ARMH4: variants seen among roughly 807,000 people sequenced by gnomAD.
ARMH4 encodes armadillo like helical domain containing 4.
A neutral mutation model predicts 61.9 loss-of-function variants in ARMH4; 49 were observed. The observed-to-expected ratio is 0.79, with a 90% CI of 0.63 to 1.00. The LOEUF (loss-of-function observed/expected upper bound fraction) is 1.00. ARMH4 is among the 50% of genes least tolerant of loss of function. The probability of loss-of-function intolerance (pLI) is 0.00; values close to 1 mark genes in which losing one functional copy is unlikely to be tolerated. For missense variants in ARMH4, 934 were observed against 930.0 expected, an observed-to-expected ratio of 1.00 and a Z score of -0.06; for synonymous variants, 368 against 341.5, an observed-to-expected ratio of 1.08 and a Z score of -0.85.
Position 58,139,073 on chromosome 14 carries a change from T to A in ARMH4, c.286A>T (p.Thr96Ser). 6.2e-7 allele frequency: 1 copy of A among 1,614,132 alleles called. No homozygotes were observed. The highest frequency in any genetic ancestry group is 8.5e-7 in the Non-Finnish European group (1 of 1,179,990). ...LNKAFSINKE[T>S]QPGQAGLMQT... ...ATGAGCCCAGCTTGTCCAGGCTGGG[T>A]TTCTTTGTTAATCGAGAATGCTTTA... is the stretch of plus-strand genomic sequence containing the variant. Residue 96 changes from threonine (T) to serine (S), a missense_variant, in exon 2 of 8, where the codon ACC (threonine) becomes TCC (serine). By Grantham distance (58) the Thr-to-Ser change is moderately conservative. Coordinates refer to ENST00000267485, the MANE Select transcript of ARMH4 (RefSeq NM_001001872.4).
chr14:58,138,873 T>A lies in ARMH4; in HGVS notation c.486A>T (p.Glu162Asp). The change falls in exon 2 of 8, where the codon GAA becomes GAT. Residue 162 changes from glutamate (E) to aspartate (D), a missense_variant. Coordinates refer to ENST00000267485, the MANE Select transcript of ARMH4 (RefSeq NM_001001872.4). ...TPSLTVDEKE[E>D]LLTSTNFQPI... ...GCTGAAAGTTAGTGCTTGTAAGGAG[T>A]TCCTCCTTTTCATCAACAGTCAGAG... 6.2e-7 allele frequency: 1 copy of A among 1,614,160 alleles called. No homozygotes were observed.
intron 5 of ARMH4, among the ~76,000 whole-genome samples, chr14:58,082,076 G>A (rs148696019): frequency 2.0e-5 from 3 of 152,260 alleles, no homozygotes; most frequent in African/African-American, 7.2e-5. Context: ...GGCAATAACT[G>A]TAAATCTCCT....
At chr14:58,040,963 A>T (rs1278361424) in intron 5 of ARMH4, among the ~76,000 whole-genome samples, 1 of 152,214 alleles carries the variant, frequency 6.6e-6, no homozygotes, top group Admixed American at 6.5e-5. Flanking sequence ...TCTAAGTAAA[A>T]TGAAACATGG....
chr14:58,053,355 C>T (rs368838880), intron 5 of ARMH4, among the ~76,000 whole-genome samples: 4 of 152,338 alleles, frequency 2.6e-5, no homozygotes, highest in Non-Finnish European at 4.4e-5. Context: ...CCCAAACCCT[C>T]ACCCTGCACA....
At chr14:58,044,792 G>A (rs1883871317) in intron 5 of ARMH4, among the ~76,000 whole-genome samples, 1 of 152,208 alleles carries the variant, frequency 6.6e-6, no homozygotes, top group Non-Finnish European at 1.5e-5. Flanking sequence ...CCATCAAAAA[G>A]TGGGAGAAGG....
Position 58,012,172 on chromosome 14 carries a change from A to T in ARMH4, c.2090-22T>A, listed in dbSNP as rs772327822. 2.3e-6 allele frequency: 3 copies of T among 1,318,422 alleles called. No individual in the cohort carries two copies. The African/African-American group carries it at 4.5e-5, about 20-fold the overall frequency. The allele number at this position is 1,318,422 out of a possible 1,614,324, so 81.7% of individuals were successfully genotyped here. On this transcript the variant is annotated intron_variant, in intron 5 of 7. Transcript: ENST00000267485. Reference sequence around the variant, plus strand: ...CTCACTAGGAAAAAAATAAGATAATAAAATGAAATAACCATCTTTTACTTA... The same window carrying T: ...CTCACTAGGAAAAAAATAAGATAATTAAATGAAATAACCATCTTTTACTTA...
At position 58,001,101 on chromosome 14, in the gene ARMH4, A is replaced by G. The variant is rs567030790; in HGVS notation, c.*3635T>C. ...ATTTTGGATACCTCAAAGAAGTGCA[A>G]TCATGCATTTGTCCTTCTGTCACTA... On this transcript the variant is annotated 3_prime_UTR_variant, in exon 8 of 8. Transcript: ENST00000267485. 1 of 152,298 alleles carries G rather than the reference A, an allele frequency of 6.6e-6. No homozygotes were observed. Among genetic ancestry groups the G allele is most frequent in the African/African-American group, 2.4e-5 (1 of 41,572 alleles). The allele number at this position is 152,298 out of a possible 1,614,324, so 9.4% of individuals were successfully genotyped here.
intron 1 of ARMH4, among the ~76,000 whole-genome samples, chr14:58,142,617 G>A (rs886296677): frequency 5.2e-4 from 79 of 151,952 alleles, no homozygotes; most frequent in Admixed American, 4.5e-3. Flanking sequence ...GACTACAGGC[G>A]TGCACCACCA....
intron 5 of ARMH4, among the ~76,000 whole-genome samples, chr14:58,023,840 C>T (rs565387195): frequency 3.2e-4 from 48 of 152,302 alleles, no homozygotes; most frequent in Middle Eastern, 3.4e-3. Context: ...TTGTACATCT[C>T]CATCAGAGTT....
chr14:58,039,945 C>T (rs1883628630), intron 5 of ARMH4, among the ~76,000 whole-genome samples: 1 of 152,118 alleles, frequency 6.6e-6, no homozygotes, highest in South Asian at 2.1e-4. Context: ...TTTCCCTTCC[C>T]TACTCTCCAC....
Position 58,036,988 on chromosome 14 carries a change from C to T in ARMH4, c.2090-24838G>A, listed in dbSNP as rs1171615232. Among the ~76,000 whole-genome samples the T allele has an allele frequency of 2.7e-5, 3 of 109,198 alleles. 1 individual carries two copies. The highest frequency in any genetic ancestry group is 6.6e-5 in the African/African-American group (2 of 30,414). 71.6% of individuals were successfully genotyped at this position (109,198 alleles called of 152,430 possible). On this transcript the variant is annotated intron_variant, in intron 5 of 7. Transcript: ENST00000267485. ...CGGCCATACTGCCCAAGGTAATTTA[C>T]AGATTCAATGCCATCCCCATCAAGC...
chr14:58,028,211 T>C (rs1883088786), intron 5 of ARMH4, among the ~76,000 whole-genome samples: 1 of 152,226 alleles, frequency 6.6e-6, no homozygotes, highest in Non-Finnish European at 1.5e-5. Context: ...GGAACATTTG[T>C]TTCCTTGTGT....
At chr14:58,093,267 C>T (rs1234798344) in intron 5 of ARMH4, among the ~76,000 whole-genome samples, 1 of 152,140 alleles carries the variant, frequency 6.6e-6, no homozygotes, top group African/African-American at 2.4e-5. Flanking sequence ...AGCAGCATGA[C>T]AACAAACTAA....
intron 1 of ARMH4, among the ~76,000 whole-genome samples, chr14:58,148,846 TACACACACACACACAC>T (rs138826141): frequency 2.1e-5 from 3 of 145,718 alleles, no homozygotes; most frequent in African/African-American, 7.6e-5. Flanking sequence ...CAGAGTTTAT[TACACACACACACACAC>T]ACACACACAC....
At chr14:58,066,244 C>T (rs1323115396) in intron 5 of ARMH4, among the ~76,000 whole-genome samples, 3 of 152,192 alleles carry the variant, frequency 2.0e-5, no homozygotes, top group African/African-American at 7.2e-5. Flanking sequence ...CATGTATAAA[C>T]ATGTTATAAT....
intron 5 of ARMH4, among the ~76,000 whole-genome samples, chr14:58,048,988 A>G (rs1293365953): frequency 6.6e-6 from 1 of 152,194 alleles, no homozygotes; most frequent in East Asian, 1.9e-4. Flanking sequence ...CTGTAATCCC[A>G]GCACTTTGGG....
chr14:58,055,034 G>A (rs955724307), intron 5 of ARMH4, among the ~76,000 whole-genome samples: 4 of 152,042 alleles, frequency 2.6e-5, no homozygotes, highest in Non-Finnish European at 5.9e-5. Flanking sequence ...TGGATTTCAA[G>A]AAAGGCACAC....
chr14:58,007,467 C>T (rs78338658), intron 6 of ARMH4, among the ~76,000 whole-genome samples: 4,688 of 152,244 alleles, frequency 0.031, 89 homozygotes, highest in Middle Eastern at 0.078. Flanking sequence ...ATGTAGATTT[C>T]ACAAAAACTC....
intron 2 of ARMH4, among the ~76,000 whole-genome samples, chr14:58,135,832 T>C (rs17094363): frequency 0.049 from 7,509 of 152,184 alleles, 290 homozygotes; most frequent in African/African-American, 0.11. Flanking sequence ...TTAAGTTGTT[T>C]ACTTCAGAAA....
Sources: gnomAD v4.1 joint callset for allele counts (sites outside exome capture counted in the v4.1 genomes callset) on GRCh38, gnomAD v4.1.1 for gene constraint, MANE v1.5 for transcripts, NCBI Gene and HGNC (gene_info 2026-07-23, HGNC 2026-07-21) for gene names.